Variants in JMJD1C observed in about 807,000 individuals in gnomAD.
JMJD1C encodes the protein jumonji domain containing 1C.
JMJD1C carries 31 observed loss-of-function variants against 245.3 expected under a neutral mutation model. That is an observed-to-expected ratio of 0.13 (90% CI 0.09 to 0.17). The LOEUF is 0.17. Ranked by LOEUF, JMJD1C falls within the 10% of genes least tolerant of loss-of-function variation. The probability of loss-of-function intolerance (pLI) is 1.00; values close to 1 mark genes in which losing one functional copy is unlikely to be tolerated. For synonymous variants in JMJD1C, 1,057 were observed against 1,017.4 expected (o/e 1.04, Z -0.74); for missense variants, 2,691 against 3,000.2 (o/e 0.90, Z 2.41).
At chr10:63,277,741 T>C (rs1164532000) in intron 2 of JMJD1C, among the ~76,000 whole-genome samples, 2 of 124,584 alleles carry the variant, frequency 1.6e-5, no homozygotes, top group African/African-American at 3.2e-5. Context: ...CTTTTTTTTT[T>C]TTTTTTTTTT....
At chr10:63,364,722 A>C (rs184148623) in intron 2 of JMJD1C, among the ~76,000 whole-genome samples, 3 of 152,266 alleles carry the variant, frequency 2.0e-5, no homozygotes, top group Admixed American at 1.3e-4. Flanking sequence ...CTTGGACTCA[A>C]GTGATTTGCC....
At chr10:63,440,340 GAA>G (rs199670163) in intron 1 of JMJD1C, among the ~76,000 whole-genome samples, 6,046 of 89,616 alleles carry the variant, frequency 0.067, 162 homozygotes, top group African/African-American at 0.094. Context: ...TGTCTCAAAA[GAA>G]AAAAAAAAAA....
upstream of JMJD1C, chr10:63,466,180 A>G: frequency 5.3e-6 from 1 of 188,506 alleles, no homozygotes; most frequent in South Asian, 1.1e-4. Context: ...AAAAATGAAG[A>G]GGGCCGCGGG....
At chr10:63,418,731 T>G (rs906232536) in intron 1 of JMJD1C, among the ~76,000 whole-genome samples, 3 of 150,616 alleles carry the variant, frequency 2.0e-5, no homozygotes, top group Admixed American at 6.6e-5. Flanking sequence ...GTGGGGGGGG[T>G]TTCTGCTTCC....
intron 3 of JMJD1C, among the ~76,000 whole-genome samples, chr10:63,252,166 T>C (rs1282716210): frequency 2.0e-5 from 3 of 152,194 alleles, no homozygotes; most frequent in African/African-American, 7.2e-5. Context: ...ATTTGCTAAG[T>C]CAGAGGTACA....
chr10:63,262,828 C>T (rs865953127), intron 3 of JMJD1C, among the ~76,000 whole-genome samples: 43 of 152,202 alleles, frequency 2.8e-4, no homozygotes, highest in Non-Finnish European at 5.4e-4. Flanking sequence ...GGGTACCCCC[C>T]CCACTCTCCC....
At chr10:63,386,675 G>T (rs1947620622) in intron 1 of JMJD1C, among the ~76,000 whole-genome samples, 1 of 152,188 alleles carries the variant, frequency 6.6e-6, no homozygotes, top group African/African-American at 2.4e-5. Context: ...CCTGGAGACT[G>T]ATTTAGTCAG....
chr10:63,411,901 C>T (rs1949508758), intron 1 of JMJD1C, among the ~76,000 whole-genome samples: 1 of 147,190 alleles, frequency 6.8e-6, no homozygotes, highest in East Asian at 2.0e-4. Context: ...CAGCGCCTGG[C>T]CCAATTTTTT....
intron 1 of JMJD1C, among the ~76,000 whole-genome samples, chr10:63,485,345 C>G (rs1953961188): frequency 6.6e-6 from 1 of 152,094 alleles, no homozygotes; most frequent in African/African-American, 2.4e-5. Context: ...AATCCCCTTG[C>G]TATCAGGTTG....
At chr10:63,391,413 G>A (rs1186704792) in intron 1 of JMJD1C, among the ~76,000 whole-genome samples, 1 of 152,104 alleles carries the variant, frequency 6.6e-6, no homozygotes, top group Non-Finnish European at 1.5e-5. Flanking sequence ...GGGAGGCTGA[G>A]GCAGGAGAAT....
At chr10:63,343,592 A>G (rs1334344437) in intron 2 of JMJD1C, among the ~76,000 whole-genome samples, 1 of 152,170 alleles carries the variant, frequency 6.6e-6, no homozygotes, top group Non-Finnish European at 1.5e-5. Flanking sequence ...ATATGAAACT[A>G]AAGTACAGTC....
intron 1 of JMJD1C, among the ~76,000 whole-genome samples, chr10:63,495,227 C>A (rs1954318845): frequency 6.6e-6 from 1 of 151,558 alleles, no homozygotes; most frequent in Admixed American, 6.6e-5. Flanking sequence ...ACAGTTGATT[C>A]CAGGTCTGGG....
At chr10:63,505,385 G>C (rs1954688214) in intron 1 of JMJD1C, among the ~76,000 whole-genome samples, 4 of 150,628 alleles carry the variant, frequency 2.7e-5, no homozygotes, top group African/African-American at 4.9e-5. Context: ...CTTAGAACCA[G>C]ACATAAAAAG....
At chr10:63,515,009 GGGA>G in intron 1 of JMJD1C, among the ~76,000 whole-genome samples, 1 of 152,164 alleles carries the variant, frequency 6.6e-6, no homozygotes, top group East Asian at 1.9e-4. Context: ...AGGGTGATGG[GGGA>G]GGAGAAGCAT....
chr10:63,286,747 T>C (rs914496408), intron 2 of JMJD1C, among the ~76,000 whole-genome samples: 2 of 152,216 alleles, frequency 1.3e-5, no homozygotes, highest in Non-Finnish European at 2.9e-5. Flanking sequence ...AAAGGTATTC[T>C]GGCTTCCTAA....
chr10:63,329,279 CAA>C (rs570676884), intron 2 of JMJD1C, among the ~76,000 whole-genome samples: 6 of 122,240 alleles, frequency 4.9e-5, no homozygotes, highest in Non-Finnish European at 5.2e-5. Flanking sequence ...GACCTTATTT[CAA>C]AAAAAAAAAA....
intron 1 of JMJD1C, among the ~76,000 whole-genome samples, chr10:63,439,308 T>G (rs1951229782): frequency 6.6e-6 from 1 of 152,194 alleles, no homozygotes; most frequent in Non-Finnish European, 1.5e-5. Context: ...TGTTCCTGGC[T>G]TTCACTGAGA....
intron 2 of JMJD1C, among the ~76,000 whole-genome samples, chr10:63,374,019 C>T (rs1946524469): frequency 6.6e-6 from 1 of 152,094 alleles, no homozygotes; most frequent in Admixed American, 6.6e-5. Flanking sequence ...GGAAGGAAGG[C>T]AAGCACACAT....
chr10:63,238,954 T>C (rs1037703209), intron 3 of JMJD1C, among the ~76,000 whole-genome samples: 1 of 152,134 alleles, frequency 6.6e-6, no homozygotes, highest in Non-Finnish European at 1.5e-5. Flanking sequence ...ACAAATACGA[T>C]ACAGATTAAA....
Sources: gnomAD v4.1 joint callset for allele counts (sites outside exome capture counted in the v4.1 genomes callset) on GRCh38, gnomAD v4.1.1 for gene constraint, MANE v1.5 for transcripts, NCBI Gene and HGNC (gene_info 2026-07-23, HGNC 2026-07-21) for gene names.